Variants in COL10A1 observed in about 807,000 individuals in gnomAD.
COL10A1 encodes collagen alpha-1(X) chain.
A neutral mutation model predicts 18.2 loss-of-function variants in COL10A1; 10 were observed. That is an observed-to-expected ratio of 0.55 (90% CI 0.34 to 0.93). The LOEUF (loss-of-function observed/expected upper bound fraction) is 0.93, where lower values mean the gene tolerates loss of function less well. COL10A1 is among the 40% of genes least tolerant of loss of function. COL10A1 has a pLI of 0.02. For missense variants in COL10A1, 897 were observed against 853.5 expected (o/e 1.05, Z -0.64); for synonymous variants, 330 against 316.6 (o/e 1.04, Z -0.45).
the COL10A1 span, among the ~76,000 whole-genome samples, chr6:116,179,056 C>T: frequency 2.5e-4 from 38 of 152,054 alleles, no homozygotes; most frequent in African/African-American, 9.2e-4. Flanking sequence ...TTGTAAAATT[C>T]GATATGTTCA....
chr6:116,215,963 T>C, the COL10A1 span, among the ~76,000 whole-genome samples: 1 of 152,194 alleles, frequency 6.6e-6, no homozygotes, highest in Non-Finnish European at 1.5e-5. Flanking sequence ...TATACTCATT[T>C]AAACTGTTCG....
rs901216496 is a variant in COL10A1, at chr6:116,119,168, C to G, written c.*905G>C. 1 of 152,624 alleles carries G rather than the reference C, an allele frequency of 6.6e-6. No individual in the cohort carries two copies. Among genetic ancestry groups the G allele is most frequent in the Non-Finnish European group, 1.5e-5 (1 of 68,046 alleles). 9.5% of individuals were successfully genotyped at this position (152,624 alleles called of 1,614,324 possible). A position where few individuals can be genotyped will look rare whatever the true frequency, so the allele number is the denominator to read the frequency against. On this transcript the variant is annotated 3_prime_UTR_variant, in exon 3 of 3. Transcript: ENST00000651968. ...ATAAATAAATAATATATCTCCACTTCTAGTCGAATTTTGAAACCCTCAGTG... is the reference window on the plus strand; with the variant it reads ...ATAAATAAATAATATATCTCCACTTGTAGTCGAATTTTGAAACCCTCAGTG...
At chr6:116,138,777 T>C (rs1430097339) in intron 1 of COL10A1, among the ~76,000 whole-genome samples, 1 of 152,140 alleles carries the variant, frequency 6.6e-6, no homozygotes, top group African/African-American at 2.4e-5. Context: ...TTGTATAGAA[T>C]TGTATATTTA....
At chr6:116,177,283 A>G in the COL10A1 span, among the ~76,000 whole-genome samples, 1 of 152,256 alleles carries the variant, frequency 6.6e-6, no homozygotes, top group East Asian at 1.9e-4. Context: ...CATACTTTTC[A>G]ATTAACTGTG....
chr6:116,176,254 T>A, the COL10A1 span, among the ~76,000 whole-genome samples: 3 of 152,186 alleles, frequency 2.0e-5, no homozygotes, highest in African/African-American at 7.2e-5. Context: ...CCAGCTAATG[T>A]TTCAGCTGTC....
the COL10A1 span, among the ~76,000 whole-genome samples, chr6:116,203,654 G>A: frequency 3.3e-5 from 5 of 151,762 alleles, no homozygotes; most frequent in Non-Finnish European, 7.4e-5. Flanking sequence ...TTTAATTGGG[G>A]ACTGTTATAA....
Position 116,120,222 on chromosome 6 carries a change from A to C in COL10A1, c.1894T>G (p.Tyr632Asp). ...MYTYDEYTKG[Y>D]LDQASGSAII... ...GCACTCCCTGAAGCCTGATCCAGGT[A>C]GCCTTTGGTGTATTCATCATAGGTG... The change falls in exon 3 of 3, where the codon TAC becomes GAC. Residue 632 changes from tyrosine (Y) to aspartate (D), a missense_variant. Transcript: ENST00000651968. 3.7e-6 allele frequency: 6 copies of C among 1,614,230 alleles called. No individual in the cohort carries two copies. The highest frequency in any genetic ancestry group is 5.1e-6 in the Non-Finnish European group (6 of 1,180,036).
At chr6:116,127,328 A>G (rs1164089603), upstream of COL10A1, among the ~76,000 whole-genome samples, 1 of 152,148 alleles carries the variant, frequency 6.6e-6, no homozygotes, top group Non-Finnish European at 1.5e-5. Flanking sequence ...TGGAAATGTA[A>G]ATGGATAAGG....
At chr6:116,141,005 T>G (rs1018690434) in intron 1 of COL10A1, among the ~76,000 whole-genome samples, 1 of 152,180 alleles carries the variant, frequency 6.6e-6, no homozygotes, top group Non-Finnish European at 1.5e-5. Flanking sequence ...ATGTATATTT[T>G]TCTGCTTCAC....
the COL10A1 span, among the ~76,000 whole-genome samples, chr6:116,170,967 TTCC>T: frequency 1.3e-5 from 2 of 152,170 alleles, no homozygotes; most frequent in Admixed American, 1.3e-4. Flanking sequence ...GACCTGCCCA[TTCC>T]TCCTCTGTGG....
At chr6:116,125,649 TGAGA>T in intron 1 of COL10A1, 142 bp from the exon 2 acceptor site, 2 of 671,980 alleles carry the variant, frequency 3.0e-6, no homozygotes, top group Non-Finnish European at 4.8e-6. Flanking sequence ...CATAAATAAA[TGAGA>T]GATCATTTTT....
the COL10A1 span, among the ~76,000 whole-genome samples, chr6:116,169,498 A>T: frequency 6.6e-6 from 1 of 152,254 alleles, no homozygotes; most frequent in Non-Finnish European, 1.5e-5. Context: ...TCTGTATGAA[A>T]GACTATATGG....
At chr6:116,154,578 A>G (rs773451217) in intron 1 of COL10A1, among the ~76,000 whole-genome samples, 1 of 152,356 alleles carries the variant, frequency 6.6e-6, no homozygotes, top group Non-Finnish European at 1.5e-5. Context: ...AAAAAATGCT[A>G]GAACAGTGAG....
chr6:116,208,892 C>T, the COL10A1 span, among the ~76,000 whole-genome samples: 1 of 151,926 alleles, frequency 6.6e-6, no homozygotes, highest in Non-Finnish European at 1.5e-5. Flanking sequence ...TAATAGAGAA[C>T]CCAGGCCAGA....
At chr6:116,133,896 C>G (rs2114339097) in intron 1 of COL10A1, among the ~76,000 whole-genome samples, 1 of 152,282 alleles carries the variant, frequency 6.6e-6, no homozygotes, top group Non-Finnish European at 1.5e-5. Flanking sequence ...AATGTATATA[C>G]TATAGAGATA....
upstream of COL10A1, among the ~76,000 whole-genome samples, chr6:116,163,137 A>ATATATATATATAT (rs1554197055): frequency 1.9e-5 from 2 of 105,420 alleles, no homozygotes; most frequent in East Asian, 2.7e-4. Flanking sequence ...AAAAAAAAAA[A>ATATATATATATAT]AAAAATATAT....
the COL10A1 span, among the ~76,000 whole-genome samples, chr6:116,188,796 G>C: frequency 5.3e-5 from 8 of 151,148 alleles, no homozygotes; most frequent in Admixed American, 1.3e-4. Context: ...TTTTCTATGT[G>C]TGTGTATGTT....
chr6:116,172,587 T>G, the COL10A1 span, among the ~76,000 whole-genome samples: 1 of 152,148 alleles, frequency 6.6e-6, no homozygotes. Context: ...CCCAAAGTGC[T>G]GGGATTACAG....
intron 2 of COL10A1, among the ~76,000 whole-genome samples, chr6:116,123,951 A>C (rs1779213404): frequency 6.6e-6 from 1 of 152,192 alleles, no homozygotes; most frequent in African/African-American, 2.4e-5. Flanking sequence ...GTGATCATGG[A>C]AACTATTGAA....
Sources: gnomAD v4.1 joint callset for allele counts (sites outside exome capture counted in the v4.1 genomes callset) on GRCh38, gnomAD v4.1.1 for gene constraint, MANE v1.5 for transcripts, NCBI Gene and HGNC (gene_info 2026-07-23, HGNC 2026-07-21) for gene names.